The following AOPEP variants were observed in gnomAD, a reference collection of about 807,000 sequenced individuals.
AOPEP encodes the protein aminopeptidase O.
A neutral mutation model predicts 98.1 loss-of-function variants in AOPEP; 77 were observed. That is an observed-to-expected ratio of 0.78 (90% CI 0.65 to 0.95). The LOEUF is 0.95. Ranked by LOEUF, AOPEP falls within the 40% of genes least tolerant of loss-of-function variation. The pLI, the probability that AOPEP is intolerant of heterozygous loss-of-function variation, is 0.00. For synonymous variants in AOPEP, 346 were observed against 365.3 expected, an observed-to-expected ratio of 0.95 and a Z score of 0.60; for missense variants, 1,024 against 1,024.7, an observed-to-expected ratio of 1.00 and a Z score of 0.01.
At chr9:94,734,604 A>G (rs983430255) in intron 1 of AOPEP, among the ~76,000 whole-genome samples, 19 of 152,178 alleles carry the variant, frequency 1.2e-4, no homozygotes, top group African/African-American at 3.9e-4. Flanking sequence ...TTTAAATAGT[A>G]CTGGTTGGGA....
At chr9:94,846,250 G>A (rs568846276) in intron 5 of AOPEP, among the ~76,000 whole-genome samples, 1 of 152,304 alleles carries the variant, frequency 6.6e-6, no homozygotes, top group South Asian at 2.1e-4. Context: ...GTGGAAGGAG[G>A]TGGAAAGAAG....
intron 13 of AOPEP, among the ~76,000 whole-genome samples, chr9:95,048,509 G>A (rs890664154): frequency 2.6e-5 from 4 of 152,094 alleles, no homozygotes; most frequent in Non-Finnish European, 5.9e-5. Flanking sequence ...TCACGGGCGC[G>A]GGACCTGGCC....
intron 2 of AOPEP, among the ~76,000 whole-genome samples, chr9:94,770,537 GGTTCCTCACTGACT>G (rs1278806312): frequency 1.3e-5 from 2 of 152,104 alleles, no homozygotes; most frequent in African/African-American, 4.8e-5. Flanking sequence ...TGCAGGCTTT[GGTTCCTCACTGACT>G]GTTGGCCAAA....
chr9:95,057,189 G>T (rs187263713), intron 13 of AOPEP, among the ~76,000 whole-genome samples: 1 of 152,156 alleles, frequency 6.6e-6, no homozygotes, highest in East Asian at 1.9e-4. Flanking sequence ...TATTTTTCAC[G>T]ATCACTCTGT....
intron 5 of AOPEP, among the ~76,000 whole-genome samples, chr9:94,808,554 A>G (rs537200557): frequency 1.3e-5 from 2 of 152,358 alleles, no homozygotes; most frequent in Admixed American, 1.3e-4. Context: ...CATGCTATTT[A>G]TAGAGGTGAC....
At chr9:94,821,812 G>A (rs1853215687) in intron 5 of AOPEP, among the ~76,000 whole-genome samples, 1 of 152,174 alleles carries the variant, frequency 6.6e-6, no homozygotes, top group South Asian at 2.1e-4. Flanking sequence ...AGCAATAGAT[G>A]TGATTTATCT....
At chr9:95,105,138 C>T in the AOPEP span, among the ~76,000 whole-genome samples, 2 of 152,356 alleles carry the variant, frequency 1.3e-5, no homozygotes, top group African/African-American at 2.4e-5. Context: ...CCTCATGACT[C>T]GGATTCGTCT....
chr9:94,952,452 T>C (rs1257019663), intron 7 of AOPEP, among the ~76,000 whole-genome samples: 1 of 152,204 alleles, frequency 6.6e-6, no homozygotes, highest in East Asian at 1.9e-4. Context: ...AAGGTGACCA[T>C]TATTCTGATC....
At chr9:95,144,489 G>C in the AOPEP span, among the ~76,000 whole-genome samples, 1 of 152,228 alleles carries the variant, frequency 6.6e-6, no homozygotes, top group African/African-American at 2.4e-5. Context: ...CACTGTGCTA[G>C]AGCAGGAGTA....
At chr9:94,912,354 A>G (rs563235002) in intron 5 of AOPEP, among the ~76,000 whole-genome samples, 2 of 152,312 alleles carry the variant, frequency 1.3e-5, no homozygotes, top group South Asian at 4.1e-4. Flanking sequence ...CTAGGTAGCC[A>G]GTGTCTTTGA....
At chr9:94,727,805 A>G (rs1829551149) in intron 1 of AOPEP, among the ~76,000 whole-genome samples, 1 of 152,188 alleles carries the variant, frequency 6.6e-6, no homozygotes, top group African/African-American at 2.4e-5. Flanking sequence ...AGGTTAGGGT[A>G]TAATAATAGT....
At chr9:94,733,716 T>TTAAAAGATGATTGAGC (rs1386148274) in intron 1 of AOPEP, among the ~76,000 whole-genome samples, 2 of 152,208 alleles carry the variant, frequency 1.3e-5, no homozygotes, top group African/African-American at 4.8e-5. Context: ...CTGTTTAAAT[T>TTAAAAGATGATTGAGC]TAAAAGATGA....
At chr9:94,929,578 C>G (rs575864523) in intron 7 of AOPEP, among the ~76,000 whole-genome samples, 1 of 152,272 alleles carries the variant, frequency 6.6e-6, no homozygotes, top group Non-Finnish European at 1.5e-5. Flanking sequence ...GGAGATCTAG[C>G]GGAGGGAAGT....
chr9:95,054,550 C>G (rs1244614723), intron 13 of AOPEP, among the ~76,000 whole-genome samples: 1 of 152,126 alleles, frequency 6.6e-6, no homozygotes, highest in Non-Finnish European at 1.5e-5. Context: ...AATCTGGAAA[C>G]ATGAGAATTA....
chr9:95,067,709 A>G (rs2068057413), intron 14 of AOPEP, among the ~76,000 whole-genome samples: 1 of 152,202 alleles, frequency 6.6e-6, no homozygotes, highest in South Asian at 2.1e-4. Flanking sequence ...TTCACATACC[A>G]TGAAGTGCAC....
chr9:95,126,596 G>A, the AOPEP span: 1 of 1,613,638 alleles, frequency 6.2e-7, no homozygotes, highest in Non-Finnish European at 8.5e-7. Flanking sequence ...AAAAGGAGAA[G>A]ACCATGAGAA....
rs371437012 is a variant in AOPEP at position 94,988,024 on chromosome 9, G to A, written c.1977+8597G>A. On this transcript the variant is annotated intron_variant, in intron 11 of 16. Transcript: ENST00000375315. Reference sequence around the variant, plus strand: ...GCCATGCTTTTCCCCTCTGTGCAGGGAAGAGGTAGTCTAGTGGAGGGTGTG... The same window carrying A: ...GCCATGCTTTTCCCCTCTGTGCAGGAAAGAGGTAGTCTAGTGGAGGGTGTG... Among the ~76,000 whole-genome samples, 5 of 152,342 alleles carry A rather than the reference G, an allele frequency of 3.3e-5. 1 individual carries two copies. The highest frequency in any genetic ancestry group is 1.2e-4 in the African/African-American group (5 of 41,592).
At chr9:94,982,331 A>G (rs1212978641) in intron 11 of AOPEP, among the ~76,000 whole-genome samples, 1 of 152,180 alleles carries the variant, frequency 6.6e-6, no homozygotes, top group Non-Finnish European at 1.5e-5. Context: ...AATTCAAACA[A>G]TAGCAAAATA....
At chr9:94,925,825 T>A (rs1588917302) in intron 6 of AOPEP, among the ~76,000 whole-genome samples, 1 of 152,202 alleles carries the variant, frequency 6.6e-6, no homozygotes, top group South Asian at 2.1e-4. Context: ...GTAGGTTAGG[T>A]AGCCTCCCCA....
Sources: gnomAD v4.1 joint callset for allele counts (sites outside exome capture counted in the v4.1 genomes callset) on GRCh38, gnomAD v4.1.1 for gene constraint, MANE v1.5 for transcripts, NCBI Gene and HGNC (gene_info 2026-07-23, HGNC 2026-07-21) for gene names.